DERA: variants seen among roughly 807,000 people sequenced by gnomAD.
DERA encodes the protein 2-deoxy-D-ribose 5-phosphate aldolase.
Under a neutral mutation model 41.1 loss-of-function variants are expected in DERA, and 15 were observed. That is an observed-to-expected ratio of 0.37 (90% CI 0.24 to 0.56). DERA has a LOEUF of 0.56. Ranked by LOEUF, DERA falls within the 20% of genes least tolerant of loss-of-function variation. The pLI is 0.81. For missense variants in DERA, 396 were observed against 403.4 expected (o/e 0.98, Z 0.16); for synonymous variants, 139 against 137.4 (o/e 1.01, Z -0.08).
chr12:16,006,850 G>T (rs1216969017), intron 6 of DERA, among the ~76,000 whole-genome samples: 3 of 152,216 alleles, frequency 2.0e-5, no homozygotes, highest in African/African-American at 7.2e-5. Context: ...TTGCTATCAA[G>T]AAATTCTGGA....
chr12:15,949,526 C>T (rs1321761775), intron 1 of DERA, among the ~76,000 whole-genome samples: 1 of 152,148 alleles, frequency 6.6e-6, no homozygotes, highest in African/African-American at 2.4e-5. Context: ...TCCTGGTGTG[C>T]CGTTTGCTAA....
Position 16,019,850 on chromosome 12 carries a change from T to C in DERA, c.638-12692T>C, listed in dbSNP as rs185948122. Among the ~76,000 whole-genome samples, 16 of 152,336 alleles carry C rather than the reference T, an allele frequency of 1.1e-4. No individual in the cohort carries two copies. The highest frequency in any genetic ancestry group is 9.2e-4 in the Admixed American group (14 of 15,290). ...TTCCAACTCACATGTTGAAATGTGATTCCCAGTGTTAGAGATGGGGCCTGG... is the reference window on the plus strand; with the variant it reads ...TTCCAACTCACATGTTGAAATGTGACTCCCAGTGTTAGAGATGGGGCCTGG... On this transcript the variant is annotated intron_variant, in intron 6 of 8. Transcript: ENST00000428559. This position sits in a 1 kb window ranked among gnomAD's most constrained non-coding sequence, Gnocchi z 4.4.
intron 6 of DERA, among the ~76,000 whole-genome samples, chr12:16,029,086 C>T (rs889721494): frequency 3.3e-5 from 5 of 152,098 alleles, no homozygotes; most frequent in East Asian, 3.8e-4. Flanking sequence ...TCTGTATTAT[C>T]GCTGTAATTT....
At chr12:15,912,747 G>T (rs55905256) in intron 1 of DERA, among the ~76,000 whole-genome samples, 3,316 of 152,272 alleles carry the variant, frequency 0.022, 118 homozygotes, top group African/African-American at 0.076. Context: ...AACACATACA[G>T]GTAGGTCCTT....
intron 5 of DERA, among the ~76,000 whole-genome samples, chr12:15,978,978 G>A (rs1294043143): frequency 6.6e-6 from 1 of 152,120 alleles, no homozygotes; most frequent in Non-Finnish European, 1.5e-5. Context: ...GAGGAACATG[G>A]GACAGGTTTA....
At chr12:16,032,809 C>T (rs1034583805) in intron 7 of DERA, 155 bp downstream of exon 7, 1 of 599,084 alleles carries the variant, frequency 1.7e-6, no homozygotes, top group African/African-American at 1.9e-5. Context: ...TAAAAGAACA[C>T]ACTGATGGAG....
chr12:15,933,924 T>C (rs1375505049), intron 1 of DERA, among the ~76,000 whole-genome samples: 13 of 152,198 alleles, frequency 8.5e-5, no homozygotes. Context: ...AATTAAATGA[T>C]GACTGTCAGG....
At chr12:16,007,500 C>T (rs1027965305) in intron 6 of DERA, among the ~76,000 whole-genome samples, 4 of 152,098 alleles carry the variant, frequency 2.6e-5, no homozygotes, top group African/African-American at 9.7e-5. Context: ...CATTATTCTT[C>T]ATTAAAGCTG....
At position 15,982,616 on chromosome 12, in the gene DERA, C is replaced by A. The variant is rs1478501408; in HGVS notation, c.637+180C>A. On this transcript the variant is annotated intron_variant, in intron 6 of 8. Coordinates refer to ENST00000428559, the MANE Select transcript of DERA (RefSeq NM_015954.4). The surrounding 1 kb of genome is among the most constrained non-coding windows in gnomAD (Gnocchi z 4.0). ...GAAGTGGTCAAAAACTCCTGGCTTT[C>A]TTCCACATTTTTTTTTGTGTGTGTG... Among the ~76,000 whole-genome samples, 1 of 152,132 alleles carries A rather than the reference C, an allele frequency of 6.6e-6. No individual in the cohort carries two copies. The highest frequency in any genetic ancestry group is 6.5e-5 in the Admixed American group (1 of 15,284).
rs1948698652 is a variant in DERA at position 15,976,560 on chromosome 12, C to G, written c.509-5748C>G. 6.6e-6 allele frequency among the ~76,000 whole-genome samples: 1 copy of G among 152,094 alleles called. No individual in the cohort carries two copies. The highest frequency in any genetic ancestry group is 2.4e-5 in the African/African-American group (1 of 41,392). On this transcript the variant is annotated intron_variant, in intron 5 of 8. Transcript: ENST00000428559. This position sits in a 1 kb window ranked among gnomAD's most constrained non-coding sequence, Gnocchi z 4.1. ...TCTCCCTTGTCTGTGGTTGAGAGCT[C>G]CCAAAGATAGAGTTCAGAATCATCT...
At position 15,954,271 on chromosome 12, in the gene DERA, T is replaced by C. The variant is rs1948520790; in HGVS notation, c.32-2665T>C. ...TGGTCTTTGGGAACCACTCGACTTA[T>C]TTATCGTATGCCACCCGTGCGTCAG... On this transcript the variant is annotated intron_variant, in intron 1 of 8. Coordinates refer to ENST00000428559, the MANE Select transcript of DERA (RefSeq NM_015954.4). The surrounding 1 kb of genome is among the most constrained non-coding windows in gnomAD (Gnocchi z 4.0). Among the ~76,000 whole-genome samples, 1 of 152,200 alleles carries C rather than the reference T, an allele frequency of 6.6e-6. No individual in the cohort carries two copies. The highest frequency in any genetic ancestry group is 2.4e-5 in the African/African-American group (1 of 41,464).
At chr12:15,962,688 G>A in intron 4 of DERA, 125 bp from the exon 5 acceptor site, 1 of 693,322 alleles carries the variant, frequency 1.4e-6, no homozygotes, top group South Asian at 2.1e-5. Context: ...GCTGATGTTT[G>A]GGGGTTTGGA....
chr12:15,950,496 T>A (rs574540107), intron 1 of DERA, among the ~76,000 whole-genome samples: 1 of 152,348 alleles, frequency 6.6e-6, no homozygotes, highest in African/African-American at 2.4e-5. Context: ...TATTTTGTGT[T>A]GACCTCCAGT....
intron 1 of DERA, among the ~76,000 whole-genome samples, chr12:15,926,684 G>C (rs1158304378): frequency 1.8e-4 from 27 of 151,034 alleles, no homozygotes; most frequent in East Asian, 3.9e-4. Context: ...TGCAGTGAGC[G>C]GAGATCCCAC....
rs941818959 is a variant in DERA at position 15,921,020 on chromosome 12, G to GT, written c.31+9613dup. 3.3e-5 allele frequency among the ~76,000 whole-genome samples: 5 copies of GT among 149,474 alleles called. No individual in the cohort carries two copies. The highest frequency in any genetic ancestry group is 2.1e-4 in the South Asian group (1 of 4,796). On this transcript the variant is annotated intron_variant, in intron 1 of 8. Transcript: ENST00000428559. The surrounding 1 kb of genome is among the most constrained non-coding windows in gnomAD (Gnocchi z 5.3). ...AGAGAATCTTTAATTACGAGCTATT[G>GT]TTTTTTTGATAAATCTTATGTCATT...
intron 1 of DERA, among the ~76,000 whole-genome samples, chr12:15,926,410 A>G (rs556140328): frequency 2.8e-4 from 43 of 152,186 alleles, no homozygotes; most frequent in African/African-American, 9.6e-4. Context: ...TTTCCACTTC[A>G]GATATGGTAT....
At chr12:16,007,221 T>C (rs1371256258) in intron 6 of DERA, among the ~76,000 whole-genome samples, 1 of 151,306 alleles carries the variant, frequency 6.6e-6, no homozygotes, top group African/African-American at 2.4e-5. Flanking sequence ...TCTCACCCTG[T>C]TGCGCAGGCT....
At chr12:15,987,567 C>A (rs1302596278) in intron 6 of DERA, among the ~76,000 whole-genome samples, 3 of 151,978 alleles carry the variant, frequency 2.0e-5, no homozygotes, top group Non-Finnish European at 1.5e-5. Flanking sequence ...CATCTTCTAC[C>A]CCATTCTATT....
chr12:15,962,741 C>A, intron 4 of DERA, 72 bp from the exon 5 acceptor site: 1 of 1,355,420 alleles, frequency 7.4e-7, no homozygotes, highest in Non-Finnish European at 1.0e-6. Context: ...ATTTGTTTTC[C>A]CCTCCCCCCC....
Sources: allele counts gnomAD v4.1 joint callset (sites outside exome capture counted in the v4.1 genomes callset), GRCh38; gene constraint gnomAD v4.1.1; non-coding constraint Gnocchi (gnomAD v3.1); transcripts MANE v1.5; gene names NCBI Gene and HGNC (gene_info 2026-07-23, HGNC 2026-07-21).